LAMA2: variants seen among roughly 807,000 people sequenced by gnomAD.
LAMA2 encodes laminin subunit alpha-2.
Under a neutral mutation model 364.8 loss-of-function variants are expected in LAMA2, and 269 were observed. That is an observed-to-expected ratio of 0.74 (90% CI 0.67 to 0.82). LAMA2 has a LOEUF of 0.82. LAMA2 is among the 40% of genes least tolerant of loss of function. LAMA2 has a pLI of 0.00. For missense variants in LAMA2, 3,807 were observed against 3,873.2 expected (o/e 0.98, Z 0.45); for synonymous variants, 1,379 against 1,370.6 (o/e 1.01, Z -0.14).
chr6:129,242,966 T>C (rs1785494598), intron 12 of LAMA2, among the ~76,000 whole-genome samples: 1 of 152,138 alleles, frequency 6.6e-6, no homozygotes, highest in South Asian at 2.1e-4. Context: ...GTTTTGCAAA[T>C]CTATTCATAG....
intron 4 of LAMA2, among the ~76,000 whole-genome samples, chr6:129,131,307 A>C (rs963457876): frequency 6.6e-6 from 1 of 152,202 alleles, no homozygotes; most frequent in African/African-American, 2.4e-5. Flanking sequence ...GTGACTTCTC[A>C]TCAGCTGTTT....
rs114687692 is a variant in LAMA2, at chr6:128,892,402, G to A, written c.112+9045G>A. On this transcript the variant is annotated intron_variant, in intron 1 of 64. Coordinates refer to ENST00000421865, the MANE Select transcript of LAMA2 (RefSeq NM_000426.4). ...TGTAGTTATTCATACTTCAAATGTG[G>A]TACAATAAACGTTTTTTCTAGGAAT... Among the ~76,000 whole-genome samples the A allele has an allele frequency of 7.9e-3, 1,203 of 151,996 alleles. 17 individuals carry two copies. Among genetic ancestry groups the A allele is most frequent in the Middle Eastern group, 0.031 (9 of 294 alleles).
intron 64 of LAMA2, among the ~76,000 whole-genome samples, chr6:129,514,911 GTTCT>G (rs1222307070): frequency 1.3e-5 from 2 of 149,252 alleles, no homozygotes; most frequent in Admixed American, 6.9e-5. Context: ...CAAACTTGGT[GTTCT>G]TTCTGATTTT....
At chr6:128,906,776 G>A (rs1179599074) in intron 1 of LAMA2, among the ~76,000 whole-genome samples, 5 of 150,124 alleles carry the variant, frequency 3.3e-5, no homozygotes, top group African/African-American at 4.9e-5. Context: ...TAGGTCTAAC[G>A]TTTAAGTCTT....
chr6:129,085,324 A>T (rs963045838), intron 3 of LAMA2, among the ~76,000 whole-genome samples: 1 of 152,226 alleles, frequency 6.6e-6, no homozygotes, highest in Non-Finnish European at 1.5e-5. Context: ...GACACATGGC[A>T]TTACAGAAAG....
At position 129,287,979 on chromosome 6, in the gene LAMA2, A is replaced by C. The variant is rs201625640; in HGVS notation, c.2670A>C (p.Lys890Asn). Residue 890 changes from lysine (K) to asparagine (N), a missense_variant, in exon 19 of 65, where the codon AAA (lysine) becomes AAC (asparagine). Transcript: ENST00000421865. The stretch of plus-strand genomic sequence containing the variant: ...TGTCTGGCTCCTGTCTGATATGTAA[A>C]CCAGGTACAACAGGCCGGTACTGTG... ...DSLSGSCLIC[K>N]PGTTGRYCEL... 135 of 1,614,112 alleles carry C rather than the reference A, an allele frequency of 8.4e-5. 1 individual carries two copies. The highest frequency in any genetic ancestry group is 6.6e-4 in the South Asian group (60 of 91,086).
intron 1 of LAMA2, chr6:128,929,067 T>C: frequency 6.9e-7 from 1 of 1,454,412 alleles, no homozygotes. Flanking sequence ...TAGTGGCTAA[T>C]GTGGTCATCC....
At chr6:129,031,877 G>A (rs1786253206) in intron 1 of LAMA2, among the ~76,000 whole-genome samples, 1 of 151,970 alleles carries the variant, frequency 6.6e-6, no homozygotes, top group Non-Finnish European at 1.5e-5. Flanking sequence ...CCAGGCTGGA[G>A]TACAGTGGCA....
chr6:129,323,119 C>A (rs546653399), intron 28 of LAMA2, among the ~76,000 whole-genome samples: 3 of 152,134 alleles, frequency 2.0e-5, no homozygotes, highest in African/African-American at 7.2e-5. Context: ...CAACCCATGG[C>A]CTCTAATCCA....
At chr6:128,967,902 G>A (rs753584996) in intron 1 of LAMA2, among the ~76,000 whole-genome samples, 13 of 151,992 alleles carry the variant, frequency 8.6e-5, no homozygotes, top group Non-Finnish European at 1.3e-4. Context: ...AGTCTTAGCC[G>A]AAGATTCCCA....
At chr6:129,021,011 C>T (rs565580554) in intron 1 of LAMA2, among the ~76,000 whole-genome samples, 28 of 152,296 alleles carry the variant, frequency 1.8e-4, no homozygotes, top group African/African-American at 5.8e-4. Context: ...AATATAATCA[C>T]ATTTTATGAA....
intron 1 of LAMA2, among the ~76,000 whole-genome samples, chr6:129,031,708 T>G (rs1446378561): frequency 6.6e-6 from 1 of 152,218 alleles, no homozygotes; most frequent in Non-Finnish European, 1.5e-5. Flanking sequence ...ATGTTATTTT[T>G]GTTGTGTTGT....
intron 4 of LAMA2, among the ~76,000 whole-genome samples, chr6:129,109,385 A>G (rs564693303): frequency 6.6e-6 from 1 of 152,228 alleles, no homozygotes; most frequent in South Asian, 2.1e-4. Flanking sequence ...GGCCTCTAAG[A>G]ATCTTTTTCG....
intron 18 of LAMA2, among the ~76,000 whole-genome samples, chr6:129,283,206 A>G (rs1788850928): frequency 6.6e-6 from 1 of 152,146 alleles, no homozygotes; most frequent in Non-Finnish European, 1.5e-5. Context: ...CTAGACTTTT[A>G]TCATCTGGAC....
At chr6:129,008,678 T>C (rs1011050112) in intron 1 of LAMA2, among the ~76,000 whole-genome samples, 6 of 152,302 alleles carry the variant, frequency 3.9e-5, no homozygotes, top group Non-Finnish European at 5.9e-5. Context: ...TAAAGGGATG[T>C]TAACCAAAAT....
intron 1 of LAMA2, among the ~76,000 whole-genome samples, chr6:128,900,473 G>T (rs1014137801): frequency 2.7e-4 from 41 of 152,074 alleles, no homozygotes; most frequent in African/African-American, 8.7e-4. Flanking sequence ...TTTTAGGAAG[G>T]AACACTTACT....
intron 58 of LAMA2, among the ~76,000 whole-genome samples, chr6:129,494,291 C>T (rs933331411): frequency 6.6e-6 from 1 of 152,216 alleles, no homozygotes; most frequent in Admixed American, 6.5e-5. Flanking sequence ...GTGCTCCTTG[C>T]ACTAGAAATA....
intron 12 of LAMA2, among the ~76,000 whole-genome samples, chr6:129,193,852 C>T (rs1363038693): frequency 6.6e-6 from 1 of 152,116 alleles, no homozygotes; most frequent in East Asian, 1.9e-4. Context: ...CTTAGTATCT[C>T]ATATGCTACT....
chr6:128,987,260 C>T (rs1193012646), intron 1 of LAMA2, among the ~76,000 whole-genome samples: 1 of 151,530 alleles, frequency 6.6e-6, no homozygotes, highest in East Asian at 1.9e-4. Flanking sequence ...CTGCTTCAGC[C>T]TCCCTAGTAG....
Sources: allele counts gnomAD v4.1 joint callset (sites outside exome capture counted in the v4.1 genomes callset), GRCh38; gene constraint gnomAD v4.1.1; transcripts MANE v1.5; gene names NCBI Gene and HGNC (gene_info 2026-07-23, HGNC 2026-07-21).